ROR1: variants seen among roughly 807,000 people sequenced by gnomAD.
ROR1 encodes inactive tyrosine-protein kinase transmembrane receptor ROR1.
A neutral mutation model predicts 78.8 loss-of-function variants in ROR1; 19 were observed. The ratio of observed to expected loss-of-function variants is 0.24; its 90% CI spans 0.17 to 0.35. The LOEUF is 0.35. ROR1 is among the 10% of genes least tolerant of loss of function. The probability of loss-of-function intolerance (pLI) is 1.00; values close to 1 mark genes in which losing one functional copy is unlikely to be tolerated. For missense variants in ROR1, 917 were observed against 1,177.8 expected, an observed-to-expected ratio of 0.78 and a Z score of 3.24; for synonymous variants, 386 against 433.6, an observed-to-expected ratio of 0.89 and a Z score of 1.36.
At chr1:64,070,919 G>A (rs1343646078) in intron 4 of ROR1, among the ~76,000 whole-genome samples, 2 of 152,234 alleles carry the variant, frequency 1.3e-5, no homozygotes, top group East Asian at 3.8e-4. Context: ...AGCTTGGTGA[G>A]TAAAGGTTTT....
rs531543090 is a variant in ROR1, at chr1:64,045,248, A to G, written c.164-4443A>G. ...GTGCGAAGCCAGATTTTCTTCAACT[A>G]AAACAACATACCTCAACAGATTGAA... On this transcript the variant is annotated intron_variant, in intron 2 of 8. Transcript: ENST00000371079. Among the ~76,000 whole-genome samples, 601 of 152,278 alleles carry G rather than the reference A, an allele frequency of 3.9e-3. 3 individuals carry two copies. The highest frequency in any genetic ancestry group is 0.014 in the African/African-American group (576 of 41,558).
At chr1:64,024,717 A>G (rs1427420231) in intron 2 of ROR1, among the ~76,000 whole-genome samples, 6 of 152,170 alleles carry the variant, frequency 3.9e-5, no homozygotes, top group Non-Finnish European at 1.5e-5. Flanking sequence ...TTACATCCCT[A>G]GCAACAGTGC....
chr1:63,825,659 T>TA (rs1182503244), intron 1 of ROR1, among the ~76,000 whole-genome samples: 2 of 152,244 alleles, frequency 1.3e-5, no homozygotes, highest in African/African-American at 2.4e-5. Flanking sequence ...GGGTGAATGT[T>TA]ATGTGAATTA....
chr1:64,097,183 ATT>A (rs5774680), intron 4 of ROR1, among the ~76,000 whole-genome samples: 5 of 150,720 alleles, frequency 3.3e-5, no homozygotes, highest in South Asian at 2.1e-4. Context: ...GGGAGAATCC[ATT>A]TTTTTTTTGT....
intron 1 of ROR1, among the ~76,000 whole-genome samples, chr1:63,971,246 A>T (rs1646117780): frequency 6.6e-6 from 1 of 152,100 alleles, no homozygotes; most frequent in East Asian, 1.9e-4. Context: ...AATTATTTAA[A>T]CCCCTTAGGC....
At chr1:64,108,085 TG>T (rs1647904936) in intron 4 of ROR1, among the ~76,000 whole-genome samples, 1 of 151,564 alleles carries the variant, frequency 6.6e-6, no homozygotes, top group African/African-American at 2.4e-5. Context: ...TGTGTGTGTG[TG>T]TGTGTGTGTG....
intron 1 of ROR1, among the ~76,000 whole-genome samples, chr1:63,807,274 T>G (rs1479278291): frequency 6.6e-6 from 1 of 151,998 alleles, no homozygotes; most frequent in East Asian, 1.9e-4. Context: ...ATGGGCAAGG[T>G]GGGGGTGGCT....
chr1:64,098,295 C>T (rs1163918364), intron 4 of ROR1, among the ~76,000 whole-genome samples: 1 of 152,096 alleles, frequency 6.6e-6, no homozygotes, highest in Admixed American at 6.6e-5. Flanking sequence ...CAACTCAGTC[C>T]CAAACCCCCT....
At chr1:63,956,356 G>A (rs1041151066) in intron 1 of ROR1, among the ~76,000 whole-genome samples, 2 of 152,194 alleles carry the variant, frequency 1.3e-5, no homozygotes, top group Non-Finnish European at 2.9e-5. Context: ...CCCTCAGGAA[G>A]CTGAAGAGGA....
chr1:64,111,216 G>C (rs1476391128), intron 4 of ROR1: 4 of 152,142 alleles, frequency 2.6e-5, no homozygotes, highest in African/African-American at 9.7e-5. Context: ...ACATTTGCTT[G>C]TAATTTTTGT....
intron 1 of ROR1, among the ~76,000 whole-genome samples, chr1:63,874,785 A>T (rs576989086): frequency 2.0e-4 from 30 of 152,236 alleles, no homozygotes; most frequent in Non-Finnish European, 3.5e-4. Context: ...TCCAGGTCAA[A>T]CAGCCCCAAT....
chr1:63,775,320 C>G (rs557594673), intron 1 of ROR1: 1 of 152,220 alleles, frequency 6.6e-6, no homozygotes, highest in Admixed American at 6.5e-5. Context: ...TAGTTCGCTG[C>G]GGGAAGCTGG....
chr1:63,874,130 G>A (rs7513180), intron 1 of ROR1, among the ~76,000 whole-genome samples: 34,456 of 152,068 alleles, frequency 0.23, 4,806 homozygotes, highest in African/African-American at 0.39. Context: ...ATATGTTCAT[G>A]AATAAATTAA....
Position 64,177,750 on chromosome 1 carries a change from A to G in ROR1, c.1709A>G (p.His570Arg). The G allele has an allele frequency of 6.2e-7, 1 of 1,614,110 alleles. No individual in the cohort carries two copies. The change falls in exon 9 of 9, where the codon CAC (histidine) becomes CGC (arginine). Residue 570 changes from histidine (H) to arginine (R), a missense_variant. Coordinates refer to ENST00000371079, the MANE Select transcript of ROR1 (RefSeq NM_005012.4). ...LHEFLIMRSP[H>R]SDVGCSSDED... ...GAGTTCCTCATCATGAGATCCCCAC[A>G]CTCTGATGTTGGCTGCAGCAGTGAT...
intron 4 of ROR1, among the ~76,000 whole-genome samples, chr1:64,133,247 G>A (rs1198493050): frequency 6.6e-6 from 1 of 151,048 alleles, no homozygotes; most frequent in Non-Finnish European, 1.5e-5. Context: ...GCATCCTGTG[G>A]TTTGAGACTA....
intron 4 of ROR1, among the ~76,000 whole-genome samples, chr1:64,085,423 G>A (rs1168264815): frequency 2.0e-5 from 3 of 152,150 alleles, no homozygotes; most frequent in East Asian, 1.9e-4. Context: ...AATGGCATTC[G>A]TTGTTATAAG....
chr1:63,904,881 G>C (rs1226409028), intron 1 of ROR1, among the ~76,000 whole-genome samples: 2 of 152,178 alleles, frequency 1.3e-5, no homozygotes, highest in Non-Finnish European at 2.9e-5. Context: ...ACAAATTCCT[G>C]TTGTTTGATT....
chr1:64,085,526 G>A (rs1647145413), intron 4 of ROR1, among the ~76,000 whole-genome samples: 1 of 152,166 alleles, frequency 6.6e-6, no homozygotes, highest in African/African-American at 2.4e-5. Context: ...TTGAGAATGT[G>A]TTTATTCAGC....
At chr1:64,110,418 A>C (rs770904307) in intron 4 of ROR1, among the ~76,000 whole-genome samples, 4 of 152,118 alleles carry the variant, frequency 2.6e-5, no homozygotes, top group Non-Finnish European at 5.9e-5. Flanking sequence ...TATCAGATAT[A>C]GAGCTGGGTT....
Sources: gnomAD v4.1 joint callset for allele counts (sites outside exome capture counted in the v4.1 genomes callset) on GRCh38, gnomAD v4.1.1 for gene constraint, MANE v1.5 for transcripts, NCBI Gene and HGNC (gene_info 2026-07-23, HGNC 2026-07-21) for gene names.